LRP1B: variants seen among roughly 807,000 people sequenced by gnomAD.
LRP1B encodes the protein LDL receptor related protein 1B.
A neutral mutation model predicts 556.6 loss-of-function variants in LRP1B; 217 were observed. The observed-to-expected ratio is 0.39, with a 90% confidence interval of 0.35 to 0.44. The LOEUF (loss-of-function observed/expected upper bound fraction) is 0.44, where lower values mean the gene tolerates loss of function less well. Among genes scored for constraint, LRP1B ranks in the 20% least tolerant of loss-of-function variants. LRP1B has a pLI of 1.00. For synonymous variants in LRP1B, 2,047 were observed against 1,865.8 expected (o/e 1.10, Z -2.50); for missense variants, 5,053 against 5,620.8 (o/e 0.90, Z 3.23).
intron 3 of LRP1B, among the ~76,000 whole-genome samples, chr2:141,414,402 A>G (rs1352719885): frequency 6.6e-6 from 1 of 151,056 alleles, no homozygotes; most frequent in Admixed American, 6.6e-5. Context: ...AAAGGAAGAC[A>G]ACTAAAGCTT....
At chr2:140,264,916 T>G (rs13403037) in intron 86 of LRP1B, among the ~76,000 whole-genome samples, 5,616 of 151,934 alleles carry the variant, frequency 0.037, 355 homozygotes, top group African/African-American at 0.13. Flanking sequence ...GTGAGCTATT[T>G]GACCCACAGA....
At chr2:140,478,583 G>A (rs1473005635) in intron 59 of LRP1B, among the ~76,000 whole-genome samples, 1 of 152,100 alleles carries the variant, frequency 6.6e-6, no homozygotes, top group African/African-American at 2.4e-5. Flanking sequence ...CAAGGACTCA[G>A]GTTTCTAGAT....
chr2:141,201,627 A>T (rs1682025989), intron 6 of LRP1B, among the ~76,000 whole-genome samples: 1 of 152,114 alleles, frequency 6.6e-6, no homozygotes, highest in Non-Finnish European at 1.5e-5. Flanking sequence ...GTTTTTATAC[A>T]AATAACATTA....
intron 3 of LRP1B, among the ~76,000 whole-genome samples, chr2:141,476,692 A>C (rs1169900450): frequency 2.0e-5 from 3 of 152,186 alleles, no homozygotes; most frequent in African/African-American, 7.2e-5. Context: ...TTTTCTAGGA[A>C]ATATTCACAA....
chr2:141,348,999 T>G (rs1383617686), intron 3 of LRP1B, among the ~76,000 whole-genome samples: 1 of 151,990 alleles, frequency 6.6e-6, no homozygotes, highest in East Asian at 1.9e-4. Flanking sequence ...ATTGTGAGGC[T>G]TCCCCAGCCA....
At chr2:141,317,225 T>C (rs1687067275) in intron 3 of LRP1B, among the ~76,000 whole-genome samples, 1 of 152,228 alleles carries the variant, frequency 6.6e-6, no homozygotes, top group South Asian at 2.1e-4. Context: ...AGTGTTTCTG[T>C]GTTAGTTGCC....
intron 37 of LRP1B, among the ~76,000 whole-genome samples, chr2:140,713,698 C>T (rs1687116474): frequency 6.6e-6 from 1 of 152,094 alleles, no homozygotes; most frequent in African/African-American, 2.4e-5. Context: ...CTTCCAGACA[C>T]ATCACCTACT....
chr2:140,312,330 A>C (rs1220258987), intron 83 of LRP1B, among the ~76,000 whole-genome samples: 1 of 151,960 alleles, frequency 6.6e-6, no homozygotes, highest in Non-Finnish European at 1.5e-5. Flanking sequence ...TGTTGTCTCA[A>C]AAGTACAAAC....
chr2:140,258,867 T>A (rs1681810678), intron 86 of LRP1B, among the ~76,000 whole-genome samples: 1 of 152,144 alleles, frequency 6.6e-6, no homozygotes, highest in South Asian at 2.1e-4. Context: ...AATTGAAAAA[T>A]CTTTGTCTTC....
At chr2:141,292,231 T>C (rs1043216898) in intron 3 of LRP1B, among the ~76,000 whole-genome samples, 2 of 151,972 alleles carry the variant, frequency 1.3e-5, no homozygotes, top group Non-Finnish European at 1.5e-5. Context: ...CCTAAAACCA[T>C]CTCCCCCATC....
intron 66 of LRP1B, among the ~76,000 whole-genome samples, chr2:140,423,190 T>G (rs1428611637): frequency 6.6e-6 from 1 of 152,162 alleles, no homozygotes. Flanking sequence ...CCCATGTAAT[T>G]GCTGTGGGTT....
rs1289382985 is a variant in LRP1B, at chr2:142,088,974, C to CAA, written c.82+41672_82+41673dup. Among the ~76,000 whole-genome samples, 174 of 39,608 alleles carry CAA rather than the reference C, an allele frequency of 4.4e-3. 1 individual carries two copies. The highest frequency in any genetic ancestry group is 5.3e-3 in the Non-Finnish European group (109 of 20,586). The allele number at this position is 39,608 out of a possible 152,430, so 26.0% of individuals were successfully genotyped here. On this transcript the variant is annotated intron_variant, in intron 1 of 90. Transcript: ENST00000389484. ...TGGGTGACAGAGCAAGGCTCCGTCT[C>CAA]AAAAAAAAAAAAAAAAAAAAAAGAA...
intron 1 of LRP1B, among the ~76,000 whole-genome samples, chr2:142,124,979 G>A (rs1191285114): frequency 6.6e-6 from 1 of 151,526 alleles, no homozygotes; most frequent in African/African-American, 2.4e-5. Context: ...GTTTAGTCAG[G>A]GAGCTCAGTC....
At chr2:140,705,063 A>C (rs1203807977) in intron 37 of LRP1B, among the ~76,000 whole-genome samples, 1 of 152,114 alleles carries the variant, frequency 6.6e-6, no homozygotes, top group Non-Finnish European at 1.5e-5. Flanking sequence ...ATAAGAGGGC[A>C]AGCCAAGAAC....
intron 49 of LRP1B, among the ~76,000 whole-genome samples, chr2:140,525,515 T>C (rs1690393772): frequency 6.6e-6 from 1 of 152,018 alleles, no homozygotes; most frequent in East Asian, 1.9e-4. Flanking sequence ...TCTTCTTTTA[T>C]GAAGTTATTT....
At chr2:141,293,938 C>T (rs1686080501) in intron 3 of LRP1B, among the ~76,000 whole-genome samples, 1 of 152,054 alleles carries the variant, frequency 6.6e-6, no homozygotes. Context: ...ATTCTATATG[C>T]ATATATGTGT....
intron 1 of LRP1B, among the ~76,000 whole-genome samples, chr2:142,068,426 G>T (rs1011671109): frequency 3.3e-5 from 5 of 151,506 alleles, no homozygotes; most frequent in African/African-American, 1.2e-4. Flanking sequence ...ACTTGAAAGA[G>T]AAGCTTCTTC....
intron 1 of LRP1B, among the ~76,000 whole-genome samples, chr2:142,082,247 A>G (rs1270027645): frequency 1.3e-5 from 2 of 152,158 alleles, no homozygotes; most frequent in South Asian, 2.1e-4. Flanking sequence ...CCATATGCCA[A>G]TATGTGATAC....
chr2:140,541,713 A>G, intron 44 of LRP1B, 66 bp downstream of exon 44: 3 of 1,203,806 alleles, frequency 2.5e-6, no homozygotes, highest in Non-Finnish European at 2.3e-6. Flanking sequence ...TAGAAAACAT[A>G]TATACATTTT....
Sources: allele counts gnomAD v4.1 joint callset (sites outside exome capture counted in the v4.1 genomes callset), GRCh38; gene constraint gnomAD v4.1.1; transcripts MANE v1.5; gene names NCBI Gene and HGNC (gene_info 2026-07-23, HGNC 2026-07-21).